Variants in CPSF7 observed in about 807,000 individuals in gnomAD.
The protein encoded by CPSF7 is cleavage and polyadenylation specific factor 7.
A neutral mutation model predicts 44.3 loss-of-function variants in CPSF7; 1 was observed. The ratio of observed to expected loss-of-function variants is 0.02; its 90% CI spans 0.01 to 0.11. The LOEUF is 0.11. Among genes scored for constraint, CPSF7 ranks in the 10% least tolerant of loss-of-function variants. The pLI is 1.00. For missense variants in CPSF7, 443 were observed against 607.2 expected (o/e 0.73, Z 2.84); for synonymous variants, 202 against 222.0 (o/e 0.91, Z 0.80).
chr11:61,429,795 G>C lies in CPSF7; in HGVS notation c.-56+119C>G, dbSNP rs184356950. 11,765 of 1,546,500 alleles carry C rather than the reference G, an allele frequency of 7.6e-3. 60 individuals are homozygous for C. The highest frequency in any genetic ancestry group is 8.9e-3 in the South Asian group (742 of 83,590). ...CTCTGCCTCCTCCCTCAAAAGGCCC[G>C]CGACTCCCTCCGCCCGCAGACTCCG... On this transcript the variant is annotated intron_variant, in intron 1 of 9. Coordinates refer to ENST00000439958, the MANE Select transcript of CPSF7 (RefSeq NM_001142565.3).
chr11:61,427,483 T>A (rs1861486693), intron 2 of CPSF7, among the ~76,000 whole-genome samples: 1 of 151,578 alleles, frequency 6.6e-6, no homozygotes, highest in African/African-American at 2.4e-5. Flanking sequence ...TGAAACCCCG[T>A]CTCTACTAAA....
chr11:61,421,430 C>T lies in CPSF7; in HGVS notation c.233G>A (p.Arg78His), dbSNP rs376706196. The change falls in exon 3 of 10, where the codon CGT (arginine) becomes CAT (histidine). Residue 78 changes from arginine (R) to histidine (H), a missense_variant. Physicochemically the swap from Arg to His is conservative, Grantham distance 29. Coordinates refer to ENST00000439958, the MANE Select transcript of CPSF7 (RefSeq NM_001142565.3). ...CACATAAACGGCAGCTCGTCTATTA[C>T]GCAGGCCACTGTAGGTATACAGAAT... ...PAILYTYSGL[R>H]NRRAAVYVGS... 9 of 1,614,036 alleles carry T rather than the reference C, an allele frequency of 5.6e-6. No individual in the cohort carries two copies. The highest frequency in any genetic ancestry group is 2.2e-5 in the East Asian group (1 of 44,898).
intron 6 of CPSF7, 149 bp from the exon 7 acceptor site, chr11:61,415,933 CT>C: frequency 1.2e-6 from 1 of 846,726 alleles, no homozygotes; most frequent in East Asian, 2.5e-5. Flanking sequence ...AATTAAGCAC[CT>C]TAAAAAGGGG....
At chr11:61,408,518 G>A (rs557023071) in intron 9 of CPSF7, among the ~76,000 whole-genome samples, 9 of 152,172 alleles carry the variant, frequency 5.9e-5, no homozygotes, top group East Asian at 3.8e-4. Flanking sequence ...CCTGGGTCAC[G>A]CAGTAGCCTC....
Position 61,416,275 on chromosome 11 carries a change from A to T in CPSF7, c.768T>A (p.His256Gln), listed in dbSNP as rs1860331402. 1 of 1,537,980 alleles carries T rather than the reference A, an allele frequency of 6.5e-7. No homozygotes were observed. The highest frequency in any genetic ancestry group is 1.4e-5 in the African/African-American group (1 of 71,928). The change falls in exon 6 of 10, where the codon CAT becomes CAA. Residue 256 changes from histidine (H) to glutamine (Q), a missense_variant. Coordinates refer to ENST00000439958, the MANE Select transcript of CPSF7 (RefSeq NM_001142565.3). ...PPPPPGIHYQ[H>Q]LMPPPPRLPP... ...GTAATCGAGGAGGTGGGGGCATGAG[A>T]TGCTGGTAGTGGATACCAGGAGGAG...
At position 61,402,734 on chromosome 11, in the gene CPSF7, A is replaced by G. The variant is rs1240683350; in HGVS notation, c.*1976T>C. ...ATACAATGCAGTATAAAAGATTGACAGCGTCATCAAGTTTATTACACAATT... is the reference window on the plus strand; with the variant it reads ...ATACAATGCAGTATAAAAGATTGACGGCGTCATCAAGTTTATTACACAATT... On this transcript the variant is annotated 3_prime_UTR_variant, in exon 10 of 10. Coordinates refer to ENST00000439958, the MANE Select transcript of CPSF7 (RefSeq NM_001142565.3). 1 of 152,670 alleles carries G rather than the reference A, an allele frequency of 6.6e-6. No individual in the cohort carries two copies. Among genetic ancestry groups the G allele is most frequent in the Non-Finnish European group, 1.5e-5 (1 of 68,052 alleles). The allele number at this position is 152,670 out of a possible 1,614,324, so 9.5% of individuals were successfully genotyped here.
intron 9 of CPSF7, 111 bp downstream of exon 9, chr11:61,410,827 T>A: frequency 8.9e-7 from 1 of 1,129,408 alleles, no homozygotes; most frequent in Non-Finnish European, 1.2e-6. Flanking sequence ...AATCAGAAGT[T>A]CCCCCTACCC....
chr11:61,420,758 C>A, intron 3 of CPSF7, 185 bp from the exon 4 acceptor site: 1 of 605,366 alleles, frequency 1.7e-6, no homozygotes, highest in Admixed American at 2.9e-5. Flanking sequence ...AACCCACTCA[C>A]CCCCAATCTC....
chr11:61,411,622 G>C (rs1859855671), intron 8 of CPSF7, 147 bp downstream of exon 8: 1 of 635,410 alleles, frequency 1.6e-6, no homozygotes. Flanking sequence ...CATCTGATTA[G>C]TTTCTTCCCC....
In CPSF7 at chr11:61,402,759, T is replaced by A. The variant is rs1858985830; in HGVS notation, c.*1951A>T. The A allele has an allele frequency of 6.6e-6, 1 of 152,570 alleles. No homozygotes were observed. Among genetic ancestry groups the A allele is most frequent in the African/African-American group, 2.4e-5 (1 of 41,426 alleles). 9.5% of individuals were successfully genotyped at this position (152,570 alleles called of 1,614,324 possible). The stretch of plus-strand genomic sequence containing the variant: ...AGCGTCATCAAGTTTATTACACAAT[T>A]TTCAACCTATCAGAAAGACAAACAA... On this transcript the variant is annotated 3_prime_UTR_variant, in exon 10 of 10. Transcript: ENST00000439958.
intron 5 of CPSF7, among the ~76,000 whole-genome samples, chr11:61,417,753 A>G (rs1860474198): frequency 6.6e-6 from 1 of 152,228 alleles, no homozygotes; most frequent in Non-Finnish European, 1.5e-5. Flanking sequence ...TCTGACAGTT[A>G]ACCACTTTCC....
chr11:61,428,094 G>A (rs79649645), intron 2 of CPSF7, among the ~76,000 whole-genome samples: 7 of 152,322 alleles, frequency 4.6e-5, no homozygotes, highest in East Asian at 3.9e-4. Context: ...ATATTAGTAC[G>A]TTTTCAATAG....
At chr11:61,429,869 C>A in intron 1 of CPSF7, 45 bp downstream of exon 1, 1 of 1,536,206 alleles carries the variant, frequency 6.5e-7, no homozygotes, top group Non-Finnish European at 8.8e-7. Context: ...CCGGCCCGGA[C>A]CCCTCTTCCG....
intron 2 of CPSF7, among the ~76,000 whole-genome samples, chr11:61,428,648 A>G (rs1234075202): frequency 6.6e-6 from 1 of 152,204 alleles, no homozygotes; most frequent in Non-Finnish European, 1.5e-5. Flanking sequence ...TTATTATACC[A>G]AAATGCCTGT....
At position 61,415,759 on chromosome 11, in the gene CPSF7, T is replaced by C. The variant is rs535339368; in HGVS notation, c.964A>G (p.Thr322Ala). ...TCTTCAAATTCGGCTTCACTCACTG[T>C]AGAGGGTGGAGGGCCCGAATCTCGG... ...GSRDSGPPPS[T>A]VSEAEFEDIM... The change falls in exon 7 of 10, where the codon ACA becomes GCA. Residue 322 changes from threonine to alanine, a missense_variant. Physicochemically the swap from Thr to Ala is moderately conservative, Grantham distance 58. Coordinates refer to ENST00000439958, the MANE Select transcript of CPSF7 (RefSeq NM_001142565.3). The C allele has an allele frequency of 4.3e-6, 7 of 1,613,710 alleles. No homozygotes were observed. The highest frequency in any genetic ancestry group is 1.1e-5 in the South Asian group (1 of 91,072).
intron 6 of CPSF7, 69 bp from the exon 7 acceptor site, chr11:61,415,853 T>G (rs959869050): frequency 8.7e-7 from 1 of 1,155,198 alleles, no homozygotes; most frequent in Admixed American, 1.8e-5. Flanking sequence ...CTACAACACT[T>G]TGGTAATTTT....
At chr11:61,429,052 AG>A in intron 2 of CPSF7, 129 bp downstream of exon 2, 2 of 561,230 alleles carry the variant, frequency 3.6e-6, no homozygotes, top group Non-Finnish European at 6.5e-6. Context: ...TTTCTGCAGG[AG>A]AAAAATTTTA....
At position 61,410,918 on chromosome 11, in the gene CPSF7, G is replaced by A. The variant is rs764518218; in HGVS notation, c.*5+20C>T. 2 of 1,546,924 alleles carry A rather than the reference G, an allele frequency of 1.3e-6. No individual in the cohort carries two copies. The highest frequency in any genetic ancestry group is 2.8e-5 in the African/African-American group (2 of 71,508). On this transcript the variant is annotated intron_variant, in intron 9 of 9. Coordinates refer to ENST00000439958, the MANE Select transcript of CPSF7 (RefSeq NM_001142565.3). ...TTAATAAAAAATCCCCCAGCAGCCA[G>A]GAACGGGGCTTCTCCCCACCTTTCT...
chr11:61,410,826 T>A, intron 9 of CPSF7, 112 bp downstream of exon 9: 1 of 1,119,370 alleles, frequency 8.9e-7, no homozygotes, highest in Non-Finnish European at 1.2e-6. Flanking sequence ...AAATCAGAAG[T>A]TCCCCCTACC....
Sources: allele counts gnomAD v4.1 joint callset (sites outside exome capture counted in the v4.1 genomes callset), GRCh38; gene constraint gnomAD v4.1.1; transcripts MANE v1.5; gene names NCBI Gene and HGNC (gene_info 2026-07-23, HGNC 2026-07-21).